The following PRKAG2 variants were observed in gnomAD, a reference collection of about 807,000 sequenced individuals.
The protein encoded by PRKAG2 is protein kinase AMP-activated non-catalytic subunit gamma 2.
A neutral mutation model predicts 69.6 loss-of-function variants in PRKAG2; 26 were observed. That is an observed-to-expected ratio of 0.37 (90% CI 0.27 to 0.52). PRKAG2 has a LOEUF of 0.52. PRKAG2 is among the 20% of genes least tolerant of loss of function. The pLI, the probability that PRKAG2 is intolerant of heterozygous loss-of-function variation, is 0.90. For missense variants in PRKAG2, 557 were observed against 740.0 expected (o/e 0.75, Z 2.87); for synonymous variants, 293 against 285.0 (o/e 1.03, Z -0.28).
chr7:151,727,221 A>C (rs1003679627), intron 3 of PRKAG2, among the ~76,000 whole-genome samples: 30 of 152,030 alleles, frequency 2.0e-4, no homozygotes, highest in Non-Finnish European at 3.4e-4. Context: ...GTCTCAAAAA[A>C]AAAAACAAAA....
chr7:151,666,310 CT>C (rs1251699271), intron 4 of PRKAG2, among the ~76,000 whole-genome samples: 13 of 152,144 alleles, frequency 8.5e-5, no homozygotes, highest in Admixed American at 7.2e-4. Context: ...TCCAATAGGA[CT>C]TGTGTCCTTA....
Position 151,632,351 on chromosome 7 carries a change from C to T in PRKAG2, c.685-213G>A, listed in dbSNP as rs1001773977. The T allele has an allele frequency of 3.2e-4, 182 of 569,306 alleles. No homozygotes were observed. In the African/African-American group the frequency reaches 3.5e-3, roughly 11 times the overall value. The allele number at this position is 569,306 out of a possible 1,614,324, so 35.3% of individuals were successfully genotyped here. On this transcript the variant is annotated intron_variant, in intron 4 of 15. Transcript: ENST00000287878. This position sits in a 1 kb window ranked among gnomAD's most constrained non-coding sequence, Gnocchi z 4.2. ...CCGCCGCCGCCGCAGGTGGCGCGGC[C>T]GCGGCCCGCGTGCCCCTCCGCGAGT...
Position 151,739,474 on chromosome 7 carries a change from A to G in PRKAG2, c.466+41678T>C, listed in dbSNP as rs183736943. ...TATTTATTTATTTATTTATTTATCTATTTTTATTTATTGAGACAGAGTTTT... is the reference window on the plus strand; with the variant it reads ...TATTTATTTATTTATTTATTTATCTGTTTTTATTTATTGAGACAGAGTTTT... On this transcript the variant is annotated intron_variant, in intron 3 of 15. Transcript: ENST00000287878. 5.8e-3 allele frequency among the ~76,000 whole-genome samples: 880 copies of G among 151,544 alleles called. 10 individuals carry two copies. Among genetic ancestry groups the G allele is most frequent in the African/African-American group, 0.02 (842 of 41,242 alleles).
intron 3 of PRKAG2, chr7:151,736,423 G>A: frequency 7.2e-6 from 7 of 977,910 alleles, no homozygotes; most frequent in Non-Finnish European, 8.6e-6. Context: ...TTAAAAAAAG[G>A]AGGGAAGACC....
At position 151,626,128 on chromosome 7, in the gene PRKAG2, T is replaced by C. The variant is rs137986428; in HGVS notation, c.754+5941A>G. Among the ~76,000 whole-genome samples the C allele has an allele frequency of 8.4e-3, 1,275 of 152,296 alleles. 16 individuals are homozygous for C. Among genetic ancestry groups the C allele is most frequent in the African/African-American group, 0.029 (1,203 of 41,554 alleles). The stretch of plus-strand genomic sequence containing the variant: ...CAATGGCCAGAGGTGCTCAATGCCC[T>C]GGGCCCTGATGACTTTCCAGCTGGT... On this transcript the variant is annotated intron_variant, in intron 5 of 15. Coordinates refer to ENST00000287878, the MANE Select transcript of PRKAG2 (RefSeq NM_016203.4).
intron 1 of PRKAG2, among the ~76,000 whole-genome samples, chr7:151,831,686 C>T (rs957878255): frequency 3.9e-4 from 60 of 152,302 alleles, no homozygotes; most frequent in African/African-American, 1.4e-3. Flanking sequence ...ATGTTCCCCC[C>T]CTTGCACGCC....
At chr7:151,858,315 C>G (rs2079835726) in intron 1 of PRKAG2, among the ~76,000 whole-genome samples, 1 of 152,244 alleles carries the variant, frequency 6.6e-6, no homozygotes, top group South Asian at 2.1e-4. Context: ...CTGTCCCCAG[C>G]TGGCCCATTG....
intron 4 of PRKAG2, among the ~76,000 whole-genome samples, chr7:151,636,804 A>C (rs1825817011): frequency 6.6e-6 from 1 of 152,170 alleles, no homozygotes; most frequent in Non-Finnish European, 1.5e-5. Context: ...TCCTGGGTTC[A>C]AGTGATTCTC....
At chr7:151,570,920 A>G (rs1450757162) in intron 9 of PRKAG2, among the ~76,000 whole-genome samples, 2 of 151,888 alleles carry the variant, frequency 1.3e-5, no homozygotes, top group African/African-American at 2.4e-5. Flanking sequence ...GGTGCACGTC[A>G]CCACACCCTG....
intron 1 of PRKAG2, among the ~76,000 whole-genome samples, chr7:151,869,038 T>G (rs1047469395): frequency 6.6e-6 from 1 of 152,072 alleles, no homozygotes; most frequent in Non-Finnish European, 1.5e-5. Context: ...ACAGTCCAAA[T>G]TGCAAACCCT....
intron 5 of PRKAG2, among the ~76,000 whole-genome samples, chr7:151,621,667 G>C (rs1821520350): frequency 6.6e-6 from 1 of 152,168 alleles, no homozygotes; most frequent in Admixed American, 6.5e-5. Flanking sequence ...CCACCTCCCA[G>C]GCTCAAGCAA....
chr7:151,557,551 T>A, intron 15 of PRKAG2: 2 of 985,298 alleles, frequency 2.0e-6, no homozygotes, highest in Non-Finnish European at 2.4e-6. Context: ...GTATTTCAGT[T>A]GTGCACTCTT....
chr7:151,813,511 A>G (rs1166076286), intron 1 of PRKAG2, among the ~76,000 whole-genome samples: 1 of 143,694 alleles, frequency 7.0e-6, no homozygotes, highest in African/African-American at 2.5e-5. Context: ...AAAAAAGGAC[A>G]TGGCTTACTC....
chr7:151,870,455 T>C (rs1044818183), intron 1 of PRKAG2, among the ~76,000 whole-genome samples: 1 of 152,206 alleles, frequency 6.6e-6, no homozygotes, highest in Non-Finnish European at 1.5e-5. Flanking sequence ...TTGTTAAACA[T>C]TGCCCTAAAC....
intron 3 of PRKAG2, among the ~76,000 whole-genome samples, chr7:151,731,602 C>A (rs1448008603): frequency 6.6e-6 from 1 of 152,056 alleles, no homozygotes; most frequent in African/African-American, 2.4e-5. Flanking sequence ...CAGGGAAGCC[C>A]CCAGATAAAC....
chr7:151,666,906 A>T (rs1277873754), intron 4 of PRKAG2, among the ~76,000 whole-genome samples: 1 of 152,106 alleles, frequency 6.6e-6, no homozygotes, highest in Non-Finnish European at 1.5e-5. Flanking sequence ...AATCCCATGT[A>T]TTTTCCATGG....
intron 15 of PRKAG2, chr7:151,558,089 C>G: frequency 1.0e-6 from 1 of 985,310 alleles, no homozygotes; most frequent in Non-Finnish European, 1.2e-6. Context: ...GGCTGAAACA[C>G]CGTAGCTCCT....
intron 3 of PRKAG2, among the ~76,000 whole-genome samples, chr7:151,675,842 C>T (rs892670469): frequency 6.7e-6 from 1 of 149,464 alleles, no homozygotes; most frequent in African/African-American, 2.6e-5. Flanking sequence ...CAGAGGGAGG[C>T]TCTCACCATT....
intron 11 of PRKAG2, 115 bp from the exon 12 acceptor site, chr7:151,566,000 C>A (rs1806168866): frequency 1.5e-5 from 18 of 1,199,490 alleles, no homozygotes; most frequent in Non-Finnish European, 2.2e-5. Context: ...TTTTTTCTAA[C>A]AGTCTACCTG....
Sources: allele counts gnomAD v4.1 joint callset (sites outside exome capture counted in the v4.1 genomes callset), GRCh38; gene constraint gnomAD v4.1.1; non-coding constraint Gnocchi (gnomAD v3.1); transcripts MANE v1.5; gene names NCBI Gene and HGNC (gene_info 2026-07-23, HGNC 2026-07-21).